ATP6V1B1: variants seen among roughly 807,000 people sequenced by gnomAD.
ATP6V1B1 encodes V-type proton ATPase subunit B, kidney isoform.
A neutral mutation model predicts 62.1 loss-of-function variants in ATP6V1B1; 41 were observed. The observed-to-expected ratio is 0.66, with a 90% CI of 0.51 to 0.86. The LOEUF (loss-of-function observed/expected upper bound fraction) is 0.86. Ranked by LOEUF, ATP6V1B1 falls within the 40% of genes least tolerant of loss-of-function variation. The probability of loss-of-function intolerance (pLI) is 0.00; values close to 1 mark genes in which losing one functional copy is unlikely to be tolerated. For missense variants in ATP6V1B1, 651 were observed against 697.5 expected (o/e 0.93, Z 0.75); for synonymous variants, 253 against 273.4 (o/e 0.93, Z 0.74).
In ATP6V1B1 at chr2:70,935,943, G is replaced by A; in HGVS notation, c.-12G>A. The A allele has an allele frequency of 6.2e-7, 1 of 1,608,964 alleles. No individual in the cohort carries two copies. The highest frequency in any genetic ancestry group is 8.5e-7 in the Non-Finnish European group (1 of 1,176,188). On this transcript the variant is annotated 5_prime_UTR_variant, in exon 1 of 14. Coordinates refer to ENST00000234396, the MANE Select transcript of ATP6V1B1 (RefSeq NM_001692.4). ...AGGCTCAGACACTGGGCTCCCAGCT[G>A]GGGACTGCTCCATGGCCATGGAGAT...
chr2:70,942,519 C>A, intron 1 of ATP6V1B1: 1 of 397,354 alleles, frequency 2.5e-6, no homozygotes, highest in Non-Finnish European at 4.4e-6. Flanking sequence ...TTTGGTTTTT[C>A]TTTGGCATGG....
chr2:70,964,319 T>C, intron 11 of ATP6V1B1, 119 bp from the exon 12 acceptor site: 1 of 992,970 alleles, frequency 1.0e-6, no homozygotes, highest in African/African-American at 1.6e-5. Context: ...AGGGTGGGTG[T>C]GGCTGTTGAC....
At chr2:70,949,518 T>C (rs567825836) in intron 2 of ATP6V1B1, among the ~76,000 whole-genome samples, 1 of 152,330 alleles carries the variant, frequency 6.6e-6, no homozygotes, top group Admixed American at 6.5e-5. Context: ...CCAGAAGGGT[T>C]GTGGTAATTC....
At position 70,963,789 on chromosome 2, in the gene ATP6V1B1, G is replaced by A. The variant is rs1012504480; in HGVS notation, c.1143+135G>A. The A allele has an allele frequency of 1.1e-6, 1 of 933,998 alleles. No individual in the cohort carries two copies. Among genetic ancestry groups the A allele is most frequent in the Non-Finnish European group, 1.7e-6 (1 of 583,858 alleles). The allele number at this position is 933,998 out of a possible 1,614,324, so 57.9% of individuals were successfully genotyped here. A position where few individuals can be genotyped will look rare whatever the true frequency, so the allele number is the denominator to read the frequency against. ...CCAAACAGGAGACAGCCACAGGGAA[G>A]ACTGCATGGTTCACAGACAGAAGAC... On this transcript the variant is annotated intron_variant, in intron 11 of 13. Transcript: ENST00000234396. This position sits in a 1 kb window ranked among gnomAD's most constrained non-coding sequence, Gnocchi z 4.3.
chr2:70,964,604 C>A, intron 12 of ATP6V1B1, 62 bp downstream of exon 12: 2 of 1,609,214 alleles, frequency 1.2e-6, no homozygotes, highest in Non-Finnish European at 1.7e-6. Flanking sequence ...AAGGCCTGAG[C>A]CCCATCTGAA....
intron 2 of ATP6V1B1, among the ~76,000 whole-genome samples, chr2:70,955,176 T>C (rs782032373): frequency 8.5e-5 from 13 of 152,160 alleles, no homozygotes; most frequent in Non-Finnish European, 1.3e-4. Flanking sequence ...TTTGGTTTGG[T>C]TTGGTTTTCT....
At chr2:70,951,250 A>G (rs1553418255) in intron 2 of ATP6V1B1, among the ~76,000 whole-genome samples, 1 of 151,958 alleles carries the variant, frequency 6.6e-6, no homozygotes, top group Non-Finnish European at 1.5e-5. Context: ...GCCTTCCTGA[A>G]TCTTTTGAGG....
chr2:70,959,170 G>A lies in ATP6V1B1; in HGVS notation c.445+75G>A. 2.0e-6 allele frequency: 3 copies of A among 1,507,036 alleles called. No individual in the cohort carries two copies. Among genetic ancestry groups the A allele is most frequent in the Non-Finnish European group, 2.8e-6 (3 of 1,086,602 alleles). The allele number at this position is 1,507,036 out of a possible 1,614,324, so 93.4% of individuals were successfully genotyped here. On this transcript the variant is annotated intron_variant, in intron 5 of 13. Transcript: ENST00000234396. The surrounding 1 kb of genome is among the most constrained non-coding windows in gnomAD (Gnocchi z 4.2). ...TCCCCACTCTTGGAAGTTCTGCCCAGACTCACAAGCAGATCAGATGTGATG... is the reference window on the plus strand; with the variant it reads ...TCCCCACTCTTGGAAGTTCTGCCCAAACTCACAAGCAGATCAGATGTGATG...
intron 8 of ATP6V1B1, among the ~76,000 whole-genome samples, chr2:70,962,095 T>A (rs1680601145): frequency 6.6e-6 from 1 of 152,158 alleles, no homozygotes; most frequent in Non-Finnish European, 1.5e-5. Flanking sequence ...TCCTGGGTAT[T>A]TCTGGAGGGT....
At position 70,960,915 on chromosome 2, in the gene ATP6V1B1, C is replaced by T. The variant is rs1303157936; in HGVS notation, c.586-6C>T. The T allele has an allele frequency of 6.2e-7, 1 of 1,604,136 alleles. No individual in the cohort carries two copies. The highest frequency in any genetic ancestry group is 1.3e-5 in the African/African-American group (1 of 74,682). On this transcript the variant is annotated splice_polypyrimidine_tract_variant and splice_region_variant and intron_variant, in intron 6 of 13. Coordinates refer to ENST00000234396, the MANE Select transcript of ATP6V1B1 (RefSeq NM_001692.4). ...ACGTCCTCCTGCCCAATCCACTCTG[C>T]CCTAGATTGCCGCTCAGATCTGCCG...
chr2:70,956,244 A>T, intron 2 of ATP6V1B1: 1 of 208,280 alleles, frequency 4.8e-6, no homozygotes, highest in Non-Finnish European at 1.1e-5. Flanking sequence ...TTTTGTTCTT[A>T]TGAAATCCTC....
rs1680667062 is a variant in ATP6V1B1, at chr2:70,964,438, A to T, written c.1144A>T (p.Ile382Phe). 6.2e-7 allele frequency: 1 copy of T among 1,613,966 alleles called. No homozygotes were observed. The highest frequency in any genetic ancestry group is 2.2e-5 in the East Asian group (1 of 44,846). The stretch of plus-strand genomic sequence containing the variant: ...CCACTCCCTTTTTCTTCTCCCTCAG[A>T]TCTACCCCCCCATCAACGTGCTCCC... ...YVDRQLHNRQ[I>F]YPPINVLPSL... Residue 382 changes from isoleucine (I) to phenylalanine (F), a missense_variant and splice_region_variant, in exon 12 of 14, where the codon ATC (isoleucine) becomes TTC (phenylalanine). Transcript: ENST00000234396.
chr2:70,940,360 C>G, intron 1 of ATP6V1B1: 1 of 983,276 alleles, frequency 1.0e-6, no homozygotes, highest in Non-Finnish European at 1.2e-6. Context: ...CCCTATCCAG[C>G]CCACCCACCC....
At chr2:70,936,143 C>A in intron 1 of ATP6V1B1, 71 bp downstream of exon 1, 1 of 1,499,286 alleles carries the variant, frequency 6.7e-7, no homozygotes, top group Non-Finnish European at 9.2e-7. Context: ...GGTTCCCGGG[C>A]CCCGCTTCTT....
chr2:70,961,332 G>A (rs782463763), intron 7 of ATP6V1B1, among the ~76,000 whole-genome samples: 84 of 152,172 alleles, frequency 5.5e-4, no homozygotes, highest in Non-Finnish European at 1.2e-3. Flanking sequence ...GCGACAGGAG[G>A]GGCAGGGATG....
chr2:70,945,715 T>G (rs369330954), intron 2 of ATP6V1B1, among the ~76,000 whole-genome samples: 7,667 of 120,782 alleles, frequency 0.063, 489 homozygotes, highest in Middle Eastern at 0.13. Context: ...TATATATATA[T>G]ATATATATAT....
At chr2:70,953,530 T>C (rs1473108844) in intron 2 of ATP6V1B1, among the ~76,000 whole-genome samples, 4 of 152,198 alleles carry the variant, frequency 2.6e-5, no homozygotes, top group African/African-American at 9.6e-5. Context: ...AATTTCTGTT[T>C]ATGTGTATAT....
intron 1 of ATP6V1B1, chr2:70,941,079 G>A (rs1397950805): frequency 6.5e-6 from 3 of 464,098 alleles, no homozygotes; most frequent in Non-Finnish European, 8.5e-6. Flanking sequence ...ACCATGCCCA[G>A]CTAATTTTTA....
At chr2:70,950,932 A>ATTTTTTTTTTTTTTTTTT (rs55871344) in intron 2 of ATP6V1B1, among the ~76,000 whole-genome samples, 1 of 64,604 alleles carries the variant, frequency 1.5e-5, no homozygotes, top group East Asian at 5.0e-4. Flanking sequence ...TTTTTTCCTG[A>ATTTTTTTTTTTTTTTTTT]TTTTTTTTTT....
Sources: gnomAD v4.1 joint callset for allele counts (sites outside exome capture counted in the v4.1 genomes callset) on GRCh38, gnomAD v4.1.1 for gene constraint, Gnocchi (gnomAD v3.1) non-coding constraint, MANE v1.5 for transcripts, NCBI Gene and HGNC (gene_info 2026-07-23, HGNC 2026-07-21) for gene names.